REV3L: variants seen among roughly 807,000 people sequenced by gnomAD.
REV3L encodes REV3 like, DNA directed polymerase zeta catalytic subunit.
REV3L carries 69 observed loss-of-function variants against 299.4 expected under a neutral mutation model. The ratio of observed to expected loss-of-function variants is 0.23; its 90% CI spans 0.19 to 0.28. The LOEUF (loss-of-function observed/expected upper bound fraction) is 0.28, where lower values mean the gene tolerates loss of function less well. Among genes scored for constraint, REV3L ranks in the 10% least tolerant of loss-of-function variants. The pLI is 1.00. For synonymous variants in REV3L, 1,238 were observed against 1,271.4 expected (o/e 0.97, Z 0.56); for missense variants, 3,128 against 3,693.8 (o/e 0.85, Z 3.97).
At chr6:111,341,490 CA>C (rs1182496768) in intron 21 of REV3L, among the ~76,000 whole-genome samples, 1 of 152,200 alleles carries the variant, frequency 6.6e-6, no homozygotes, top group Non-Finnish European at 1.5e-5. Context: ...CAAATATTAT[CA>C]AGTTGTTTTC....
intron 1 of REV3L, among the ~76,000 whole-genome samples, chr6:111,445,940 A>G (rs1788782776): frequency 6.6e-6 from 1 of 152,226 alleles, no homozygotes; most frequent in Non-Finnish European, 1.5e-5. Flanking sequence ...GGGCTGAAAT[A>G]TAAGATTCAT....
chr6:111,426,461 T>C (rs1786194236), intron 1 of REV3L, among the ~76,000 whole-genome samples: 1 of 152,238 alleles, frequency 6.6e-6, no homozygotes, highest in South Asian at 2.1e-4. Flanking sequence ...AATTAACCCA[T>C]TTATGCCAGA....
chr6:111,471,126 G>A (rs553225599), intron 1 of REV3L, among the ~76,000 whole-genome samples: 3 of 152,272 alleles, frequency 2.0e-5, no homozygotes, highest in South Asian at 2.1e-4. Flanking sequence ...TCCTAAGTAC[G>A]TTTAAAATAC....
At chr6:111,337,961 G>T (rs1183159407) in intron 21 of REV3L, among the ~76,000 whole-genome samples, 1 of 152,124 alleles carries the variant, frequency 6.6e-6, no homozygotes, top group Non-Finnish European at 1.5e-5. Context: ...AGCTGACCTG[G>T]AGAAACATGC....
At chr6:111,422,721 A>G (rs1785718633) in intron 1 of REV3L, among the ~76,000 whole-genome samples, 1 of 141,170 alleles carries the variant, frequency 7.1e-6, no homozygotes, top group Non-Finnish European at 1.5e-5. Context: ...CTAAATATAC[A>G]ACTTGTGTAA....
Position 111,299,990 on chromosome 6 carries a change from A to C in REV3L, c.*26T>G. Reference sequence around the variant, plus strand: ...AGTGGTAAGCACTGAAAAAAATAGCACCTGTAATACTGTGATATTGACAAT... The same window carrying C: ...AGTGGTAAGCACTGAAAAAAATAGCCCCTGTAATACTGTGATATTGACAAT... On this transcript the variant is annotated 3_prime_UTR_variant, in exon 32 of 32. Coordinates refer to ENST00000368802, the MANE Select transcript of REV3L (RefSeq NM_001372078.1). 1 of 1,594,158 alleles carries C rather than the reference A, an allele frequency of 6.3e-7. No homozygotes were observed. Among genetic ancestry groups the C allele is most frequent in the South Asian group, 1.1e-5 (1 of 87,328 alleles).
intron 1 of REV3L, among the ~76,000 whole-genome samples, chr6:111,429,998 A>G (rs1786692119): frequency 6.6e-6 from 1 of 152,164 alleles, no homozygotes; most frequent in Non-Finnish European, 1.5e-5. Flanking sequence ...ATGACAAACA[A>G]AAGGACAGAA....
chr6:111,323,700 A>T (rs2114788792), intron 25 of REV3L, among the ~76,000 whole-genome samples: 1 of 152,344 alleles, frequency 6.6e-6, no homozygotes. Context: ...TGTTTTATTT[A>T]TTAAACTCAT....
At chr6:111,449,013 T>C (rs574906692) in intron 1 of REV3L, among the ~76,000 whole-genome samples, 1 of 152,240 alleles carries the variant, frequency 6.6e-6, no homozygotes, top group East Asian at 1.9e-4. Flanking sequence ...AAACAAATCA[T>C]TCCTGAATAG....
chr6:111,329,055 C>T (rs1775114781), intron 25 of REV3L, among the ~76,000 whole-genome samples: 2 of 151,916 alleles, frequency 1.3e-5, no homozygotes, highest in African/African-American at 4.8e-5. Flanking sequence ...GTGTGAGCCA[C>T]TTTTTTGAGA....
At chr6:111,314,376 G>C (rs1773296843) in intron 27 of REV3L, among the ~76,000 whole-genome samples, 1 of 152,122 alleles carries the variant, frequency 6.6e-6, no homozygotes, top group Non-Finnish European at 1.5e-5. Flanking sequence ...GTTACTTTGA[G>C]CCTGGGTCAT....
intron 13 of REV3L, 71 bp from the exon 14 acceptor site, chr6:111,368,099 CTAGA>C (rs1207418855): frequency 7.6e-7 from 1 of 1,323,300 alleles, no homozygotes; most frequent in African/African-American, 1.5e-5. Flanking sequence ...ACTCCATATC[CTAGA>C]TAAAGTCCCT....
intron 30 of REV3L, chr6:111,308,111 G>GA (rs1772540926): frequency 2.9e-6 from 1 of 339,288 alleles, no homozygotes; most frequent in African/African-American, 2.2e-5. Flanking sequence ...CAAAGGACAT[G>GA]AACTCATCCT....
chr6:111,325,358 G>A (rs1774668157), intron 25 of REV3L, among the ~76,000 whole-genome samples: 1 of 152,220 alleles, frequency 6.6e-6, no homozygotes. Flanking sequence ...AACTGAGACA[G>A]AGACATTAAC....
chr6:111,408,616 A>T (rs1783900988), intron 3 of REV3L, among the ~76,000 whole-genome samples: 1 of 150,034 alleles, frequency 6.7e-6, no homozygotes, highest in African/African-American at 2.5e-5. Flanking sequence ...ACAAAACAAA[A>T]CAAAACAAAA....
intron 1 of REV3L, among the ~76,000 whole-genome samples, chr6:111,455,021 T>TG (rs1179134901): frequency 6.6e-6 from 1 of 152,120 alleles, no homozygotes; most frequent in East Asian, 1.9e-4. Context: ...ACACAAAGAC[T>TG]GGCAGCATAC....
At chr6:111,313,549 A>C in intron 27 of REV3L, 60 bp from the exon 28 acceptor site, 1 of 1,491,930 alleles carries the variant, frequency 6.7e-7, no homozygotes, top group Non-Finnish European at 9.0e-7. Flanking sequence ...AGAATGTTTT[A>C]TTTTTATGTC....
In REV3L at chr6:111,374,285, T is replaced by C. The variant is rs1780082836; in HGVS notation, c.4070A>G (p.Asn1357Ser). The C allele has an allele frequency of 1.2e-6, 2 of 1,612,956 alleles. No individual in the cohort carries two copies. The highest frequency in any genetic ancestry group is 1.1e-5 in the South Asian group (1 of 91,002). Residue 1357 changes from asparagine (N) to serine (S), a missense_variant, in exon 13 of 32, where the codon AAT becomes AGT. Physicochemically the swap from Asn to Ser is conservative, Grantham distance 46. Around this residue, in one of 9 missense-constraint regions of REV3L, gnomAD observed 2,409 missense variants for 2,611.8 expected, o/e 0.92. Coordinates refer to ENST00000368802, the MANE Select transcript of REV3L (RefSeq NM_001372078.1). ...TAAATGATTGGAAAGGTCAAATATA[T>C]TTTTTTGAATTAACGTTGATTCCTT... is the stretch of plus-strand genomic sequence containing the variant. Reference protein sequence around the residue: ...TLKESTLIQKNIFDLSNHLSQ... With the variant: ...TLKESTLIQKSIFDLSNHLSQ...
At chr6:111,426,921 A>G (rs1403940422) in intron 1 of REV3L, among the ~76,000 whole-genome samples, 1 of 152,222 alleles carries the variant, frequency 6.6e-6, no homozygotes, top group Non-Finnish European at 1.5e-5. Context: ...AGTGTTATTA[A>G]CCTTAGTGAA....
Sources: gnomAD v4.1 joint callset for allele counts (sites outside exome capture counted in the v4.1 genomes callset) on GRCh38, gnomAD v4.1.1 for gene constraint, gnomAD v4.1.1 regional missense constraint, MANE v1.5 for transcripts, NCBI Gene and HGNC (gene_info 2026-07-23, HGNC 2026-07-21) for gene names.